The following OSBPL10 variants were observed in gnomAD, a reference collection of about 807,000 sequenced individuals.
OSBPL10 encodes oxysterol-binding protein-related protein 10.
In OSBPL10, 49 loss-of-function variants were observed where a neutral mutation model predicts 81.7. The ratio of observed to expected loss-of-function variants is 0.60; its 90% CI spans 0.48 to 0.76. The LOEUF (loss-of-function observed/expected upper bound fraction) is 0.76, where lower values mean the gene tolerates loss of function less well. Ranked by LOEUF, OSBPL10 falls within the 30% of genes least tolerant of loss-of-function variation. The probability of loss-of-function intolerance (pLI) is 0.00; values close to 1 mark genes in which losing one functional copy is unlikely to be tolerated. For missense variants in OSBPL10, 923 were observed against 987.8 expected (o/e 0.93, Z 0.88); for synonymous variants, 419 against 383.6 (o/e 1.09, Z -1.08).
chr3:31,756,332 C>T (rs1371063729), intron 4 of OSBPL10, among the ~76,000 whole-genome samples: 1 of 152,208 alleles, frequency 6.6e-6, no homozygotes, highest in Non-Finnish European at 1.5e-5. Context: ...TTTCCACTGT[C>T]CCTCAGCCCA....
intron 4 of OSBPL10, among the ~76,000 whole-genome samples, chr3:31,815,597 A>C (rs1332269313): frequency 6.6e-6 from 1 of 152,186 alleles, no homozygotes; most frequent in Non-Finnish European, 1.5e-5. Context: ...ATGGGGGTGG[A>C]AAGATGGGAA....
intron 4 of OSBPL10, among the ~76,000 whole-genome samples, chr3:31,817,467 G>T (rs780523272): frequency 5.9e-5 from 9 of 152,196 alleles, no homozygotes; most frequent in Non-Finnish European, 1.2e-4. Flanking sequence ...CTCAGAAGGG[G>T]CAGGGTTCCT....
rs58902796 is a variant in OSBPL10 at position 32,066,161 on chromosome 3, AAAGGAAGGAAGGAAGGAAGGAAGG to A, written n.185+11211_185+11234del. Among the ~76,000 whole-genome samples the A allele has an allele frequency of 4.1e-4, 22 of 53,494 alleles. 7 individuals are homozygous for A. Among genetic ancestry groups the A allele is most frequent in the Middle Eastern group, 0.021 (2 of 94 alleles). The allele number at this position is 53,494 out of a possible 152,430, so 35.1% of individuals were successfully genotyped here. A position where few individuals can be genotyped will look rare whatever the true frequency, so the allele number is the denominator to read the frequency against. On this transcript the variant is annotated intron_variant and non_coding_transcript_variant, in intron 1 of 3. Coordinates refer to the OSBPL10 transcript ENST00000479173. ...AAAGGGAAGAAAGGAAGAAAGGAAGAAAGGAAGGAAGGAAGGAAGGAAGGAAGGAAGGAAGGAAGGAAGGAAGGA... is the reference window on the plus strand; with the variant it reads ...AAAGGGAAGAAAGGAAGAAAGGAAGAAAGGAAGGAAGGAAGGAAGGAAGGA...
intron 1 of OSBPL10, among the ~76,000 whole-genome samples, chr3:31,949,655 A>G (rs1697810038): frequency 8.1e-6 from 1 of 123,824 alleles, no homozygotes; most frequent in African/African-American, 3.1e-5. Flanking sequence ...GCAACAGAGC[A>G]AGACTCTGTC....
intron 4 of OSBPL10, among the ~76,000 whole-genome samples, chr3:31,810,234 T>C (rs6773772): frequency 0.31 from 47,757 of 151,980 alleles, 7,647 homozygotes; most frequent in African/African-American, 0.35. Context: ...GCCATAATGA[T>C]TGAAGTAGTC....
intron 4 of OSBPL10, among the ~76,000 whole-genome samples, chr3:31,779,432 G>C (rs1200386826): frequency 6.6e-6 from 1 of 151,950 alleles, no homozygotes; most frequent in Non-Finnish European, 1.5e-5. Context: ...ATCAGACAAA[G>C]GACTTTAAAG....
At chr3:31,746,842 GA>G (rs1245701975) in intron 5 of OSBPL10, among the ~76,000 whole-genome samples, 6 of 151,462 alleles carry the variant, frequency 4.0e-5, no homozygotes, top group Non-Finnish European at 5.9e-5. Flanking sequence ...GGGGAGGGAG[GA>G]GGGATAGCAT....
At chr3:31,918,464 C>G (rs567978654) in intron 1 of OSBPL10, among the ~76,000 whole-genome samples, 1 of 152,026 alleles carries the variant, frequency 6.6e-6, no homozygotes, top group African/African-American at 2.4e-5. Context: ...GAGGAGTGAG[C>G]TACCATGCCT....
intron 3 of OSBPL10, among the ~76,000 whole-genome samples, chr3:31,854,140 G>T (rs1475907528): frequency 3.4e-5 from 5 of 146,470 alleles, no homozygotes; most frequent in Non-Finnish European, 6.0e-5. Context: ...TCTCAGTAAA[G>T]TTTTTTTTTT....
chr3:31,668,625 C>T lies in OSBPL10; in HGVS notation c.2096+17G>A, dbSNP rs375165642. The stretch of plus-strand genomic sequence containing the variant: ...AGCATGACTAAGCTGGAGAGGAAGA[C>T]ACAGCCCGGTTCTCACCTGGACTCC... On this transcript the variant is annotated intron_variant, in intron 10 of 11. Coordinates refer to ENST00000396556, the MANE Select transcript of OSBPL10 (RefSeq NM_017784.5). 4.4e-6 allele frequency: 7 copies of T among 1,598,276 alleles called. No individual in the cohort carries two copies. In the African/African-American group the frequency reaches 5.4e-5, roughly 12 times the overall value.
intron 11 of OSBPL10, chr3:31,663,029 C>G: frequency 4.1e-6 from 4 of 985,460 alleles, no homozygotes; most frequent in Non-Finnish European, 4.8e-6. Context: ...CTGGGGAGAA[C>G]AGTGGTGGCT....
intron 10 of OSBPL10, 120 bp from the exon 11 acceptor site, chr3:31,664,352 C>CT: frequency 1.0e-6 from 1 of 970,662 alleles, no homozygotes. Context: ...TCTGGGGTAG[C>CT]TCATCCCAGA....
chr3:31,722,100 C>T (rs763151166), intron 6 of OSBPL10, among the ~76,000 whole-genome samples: 8 of 152,068 alleles, frequency 5.3e-5, no homozygotes, highest in East Asian at 1.9e-4. Context: ...AACCTAGAAA[C>T]GCAACAATTT....
chr3:31,662,819 GCT>G, intron 11 of OSBPL10: 4 of 985,386 alleles, frequency 4.1e-6, no homozygotes, highest in African/African-American at 1.7e-5. Context: ...AGACAAACTA[GCT>G]CTCTCAAGCT....
At chr3:31,865,167 T>C (rs1249003618) in intron 3 of OSBPL10, among the ~76,000 whole-genome samples, 23 of 152,214 alleles carry the variant, frequency 1.5e-4, no homozygotes, top group Non-Finnish European at 1.0e-4. Flanking sequence ...AAACTAGATA[T>C]TGGTAAATTC....
At position 31,980,921 on chromosome 3, in the gene OSBPL10, G is replaced by C; in HGVS notation, c.259C>G (p.Leu87Val). The change falls in exon 1 of 12, where the codon CTC (leucine) becomes GTC (valine). Residue 87 changes from leucine (L) to valine (V), a missense_variant. Physicochemically the swap from Leu to Val is conservative, Grantham distance 32 (BLOSUM62 1). Coordinates refer to ENST00000396556, the MANE Select transcript of OSBPL10 (RefSeq NM_017784.5). ...LEGVLSKYTNLLQGWQNRYFV... is the reference protein window; with the variant it reads ...LEGVLSKYTNVLQGWQNRYFV... The stretch of plus-strand genomic sequence containing the variant: ...TACCTGTTCTGCCAGCCCTGGAGGA[G>C]GTTGGTGTATTTGCTGAGCACGCCC... The C allele has an allele frequency of 2.5e-6, 4 of 1,580,892 alleles. No homozygotes were observed. The highest frequency in any genetic ancestry group is 3.4e-6 in the Non-Finnish European group (4 of 1,166,862).
chr3:31,686,802 A>G (rs1251866377), intron 7 of OSBPL10, among the ~76,000 whole-genome samples: 1 of 152,168 alleles, frequency 6.6e-6, no homozygotes, highest in Non-Finnish European at 1.5e-5. Flanking sequence ...GGGACAGGTC[A>G]TCATTCAGCA....
chr3:32,055,498 A>G (rs1699702908), intron 1 of OSBPL10, among the ~76,000 whole-genome samples: 1 of 152,090 alleles, frequency 6.6e-6, no homozygotes, highest in Admixed American at 6.6e-5. Context: ...TATAGCTTTT[A>G]ACATTTTAGT....
intron 6 of OSBPL10, among the ~76,000 whole-genome samples, chr3:31,720,383 G>T (rs1040344972): frequency 6.6e-6 from 1 of 152,186 alleles, no homozygotes; most frequent in Non-Finnish European, 1.5e-5. Flanking sequence ...GGCAGCCTGG[G>T]AAAAGCAAGT....
Sources: allele counts gnomAD v4.1 joint callset (sites outside exome capture counted in the v4.1 genomes callset), GRCh38; gene constraint gnomAD v4.1.1; transcripts MANE v1.5; gene names NCBI Gene and HGNC (gene_info 2026-07-23, HGNC 2026-07-21).